Variants in ALDH18A1 observed in about 807,000 individuals in gnomAD.
ALDH18A1 encodes the protein delta-1-pyrroline-5-carboxylate synthase.
Under a neutral mutation model 88.8 loss-of-function variants are expected in ALDH18A1, and 44 were observed. That is an observed-to-expected ratio of 0.50 (90% confidence interval 0.39 to 0.64). The LOEUF is 0.64. Among genes scored for constraint, ALDH18A1 ranks in the 30% least tolerant of loss-of-function variants. The pLI, the probability that ALDH18A1 is intolerant of heterozygous loss-of-function variation, is 0.00. For missense variants in ALDH18A1, 782 were observed against 1,009.5 expected (o/e 0.77, Z 3.05); for synonymous variants, 331 against 372.1 (o/e 0.89, Z 1.27).
intron 7 of ALDH18A1, among the ~76,000 whole-genome samples, chr10:95,629,679 T>G (rs2097865264): frequency 6.6e-6 from 1 of 152,138 alleles, no homozygotes; most frequent in East Asian, 1.9e-4. Context: ...TAGCCAAACC[T>G]TCTCCAAAGA....
chr10:95,637,030 C>T (rs553617877), intron 5 of ALDH18A1, 63 bp downstream of exon 5: 5 of 1,453,248 alleles, frequency 3.4e-6, no homozygotes, highest in South Asian at 1.2e-5. Flanking sequence ...GGCTCCAGAC[C>T]CCTTTGTTCC....
intron 16 of ALDH18A1, among the ~76,000 whole-genome samples, chr10:95,610,913 G>A (rs1243712561): frequency 1.3e-5 from 2 of 152,206 alleles, no homozygotes; most frequent in Admixed American, 6.5e-5. Flanking sequence ...ATGAATGAAT[G>A]AATGAATGTG....
chr10:95,649,893 AAAAAAAC>A (rs914179432), intron 2 of ALDH18A1, among the ~76,000 whole-genome samples: 11 of 151,722 alleles, frequency 7.3e-5, no homozygotes, highest in Non-Finnish European at 1.6e-4. Flanking sequence ...AAAATAAAAA[AAAAAAAC>A]AAAGAAAAAA....
intron 12 of ALDH18A1, among the ~76,000 whole-genome samples, chr10:95,620,721 G>A (rs1159612436): frequency 2.0e-5 from 3 of 150,296 alleles, no homozygotes; most frequent in Admixed American, 6.6e-5. Flanking sequence ...GTTCTCACTC[G>A]TAGGTGGGAA....
At chr10:95,615,468 C>T (rs2097842596) in intron 13 of ALDH18A1, among the ~76,000 whole-genome samples, 1 of 152,104 alleles carries the variant, frequency 6.6e-6, no homozygotes. Flanking sequence ...TGTTCTGTAT[C>T]TTGATACGGC....
At chr10:95,653,706 T>C (rs962896080) in intron 1 of ALDH18A1, among the ~76,000 whole-genome samples, 11 of 152,234 alleles carry the variant, frequency 7.2e-5, no homozygotes, top group African/African-American at 2.7e-4. Flanking sequence ...AAAAAATCTT[T>C]CAGGTGCAAT....
At chr10:95,616,443 C>G (rs1446704973) in intron 13 of ALDH18A1, 34 bp downstream of exon 13, 4 of 1,553,842 alleles carry the variant, frequency 2.6e-6, no homozygotes, top group Non-Finnish European at 3.5e-6. Flanking sequence ...TCTGGCCCCT[C>G]TGGGCCTGAC....
chr10:95,625,323 C>A (rs1321191300), intron 11 of ALDH18A1, 39 bp downstream of exon 11: 3 of 1,545,358 alleles, frequency 1.9e-6, no homozygotes, highest in South Asian at 2.2e-5. Flanking sequence ...ATAATGCACA[C>A]CCCTCCACAA....
intron 3 of ALDH18A1, among the ~76,000 whole-genome samples, chr10:95,640,199 T>C (rs1051261012): frequency 2.7e-5 from 4 of 149,968 alleles, no homozygotes; most frequent in African/African-American, 9.9e-5. Flanking sequence ...AGGACAAATG[T>C]GTGTCTCTTC....
chr10:95,614,368 G>A (rs192435839), intron 13 of ALDH18A1, among the ~76,000 whole-genome samples: 139 of 152,318 alleles, frequency 9.1e-4, no homozygotes, highest in African/African-American at 3.2e-3. Context: ...TATATACTCG[G>A]TGCTGTGCTC....
intron 10 of ALDH18A1, among the ~76,000 whole-genome samples, chr10:95,625,976 A>G (rs1033879429): frequency 2.6e-5 from 4 of 152,090 alleles, no homozygotes; most frequent in African/African-American, 9.7e-5. Context: ...AAAGTGAAAA[A>G]ATTCAGTCCT....
At chr10:95,628,219 T>C (rs2097863083) in intron 8 of ALDH18A1, 149 bp downstream of exon 8, 1 of 1,167,488 alleles carries the variant, frequency 8.6e-7, no homozygotes, top group Non-Finnish European at 1.3e-6. Flanking sequence ...GCAACACTCA[T>C]TAAATCTGTA....
intron 2 of ALDH18A1, 40 bp downstream of exon 2, chr10:95,653,250 C>A (rs1428163495): frequency 2.2e-5 from 34 of 1,512,796 alleles, no homozygotes; most frequent in Non-Finnish European, 2.9e-5. Flanking sequence ...CTTTGACTAT[C>A]AAACGTCCCA....
rs1167117577 is a variant in ALDH18A1 at position 95,623,017 on chromosome 10, TAC to T, written c.1247-1768_1247-1767del. On this transcript the variant is annotated intron_variant, in intron 11 of 17. Transcript: ENST00000371224. The stretch of plus-strand genomic sequence containing the variant: ...ACAAAAATTTTCCCTTTCCTTTTTT[TAC>T]AGTCATAGCCACCAAGATAAAATAA... Among the ~76,000 whole-genome samples the T allele has an allele frequency of 5.3e-5, 8 of 152,214 alleles. No homozygotes were observed. In the East Asian group the frequency reaches 1.3e-3, roughly 26 times the overall value.
intron 13 of ALDH18A1, 59 bp from the exon 14 acceptor site, chr10:95,614,220 C>T: frequency 6.5e-7 from 1 of 1,538,406 alleles, no homozygotes; most frequent in Non-Finnish European, 8.9e-7. Context: ...AATATAAAAA[C>T]AGCAGCTTCC....
chr10:95,626,827 T>C, intron 9 of ALDH18A1, 51 bp from the exon 10 acceptor site: 1 of 1,583,654 alleles, frequency 6.3e-7, no homozygotes, highest in Non-Finnish European at 8.7e-7. Flanking sequence ...GTTCTCTCTC[T>C]AGTTCTACTA....
chr10:95,653,624 A>C (rs1224487807), intron 1 of ALDH18A1, among the ~76,000 whole-genome samples: 2 of 152,200 alleles, frequency 1.3e-5, no homozygotes, highest in African/African-American at 4.8e-5. Flanking sequence ...ATGTAAGCAA[A>C]TAATAATGCA....
chr10:95,647,859 C>CTTCCAGAT (rs751943040), intron 2 of ALDH18A1, among the ~76,000 whole-genome samples: 2 of 152,274 alleles, frequency 1.3e-5, no homozygotes, highest in Non-Finnish European at 2.9e-5. Context: ...GTTCGGAGAG[C>CTTCCAGAT]TTCCAGATGG....
intron 13 of ALDH18A1, 36 bp from the exon 14 acceptor site, chr10:95,614,197 T>G (rs1341722225): frequency 6.2e-7 from 1 of 1,603,492 alleles, no homozygotes; most frequent in African/African-American, 1.3e-5. Context: ...AAAGATGACA[T>G]CTGACCACAC....
Sources: gnomAD v4.1 joint callset for allele counts (sites outside exome capture counted in the v4.1 genomes callset) on GRCh38, gnomAD v4.1.1 for gene constraint, MANE v1.5 for transcripts, NCBI Gene and HGNC (gene_info 2026-07-23, HGNC 2026-07-21) for gene names.